Variants in GAS7 observed in about 807,000 individuals in gnomAD.
The protein encoded by GAS7 is growth arrest-specific protein 7.
Under a neutral mutation model 71.1 loss-of-function variants are expected in GAS7, and 28 were observed. That is an observed-to-expected ratio of 0.39 (90% CI 0.29 to 0.54). The LOEUF is 0.54. GAS7 is among the 20% of genes least tolerant of loss of function. The pLI is 0.62. For missense variants in GAS7, 436 were observed against 627.8 expected (o/e 0.69, Z 3.27); for synonymous variants, 258 against 245.8 (o/e 1.05, Z -0.46).
rs1402148346 is a variant in GAS7, at chr17:10,019,909, G to C, written c.184-12C>G. On this transcript the variant is annotated splice_polypyrimidine_tract_variant and intron_variant, in intron 1 of 13. Coordinates refer to ENST00000432992, the MANE Select transcript of GAS7 (RefSeq NM_201433.2). Reference sequence around the variant, plus strand: ...ACCATTCCAGGCTTCTGTTGGAGAAGAAAGAAAAGGTCACACCCATTTGGC... The same window carrying C: ...ACCATTCCAGGCTTCTGTTGGAGAACAAAGAAAAGGTCACACCCATTTGGC... The C allele has an allele frequency of 1.4e-5, 22 of 1,612,026 alleles. No individual in the cohort carries two copies. The highest frequency in any genetic ancestry group is 1.9e-5 in the Non-Finnish European group (22 of 1,179,628).
intron 1 of GAS7, among the ~76,000 whole-genome samples, chr17:10,066,733 G>C (rs2073285217): frequency 6.6e-6 from 1 of 152,176 alleles, no homozygotes. Context: ...AGATGTGACT[G>C]TCATTCTGCA....
chr17:9,945,745 T>G (rs1044915335), intron 6 of GAS7, among the ~76,000 whole-genome samples: 1 of 151,842 alleles, frequency 6.6e-6, no homozygotes, highest in African/African-American at 2.4e-5. Context: ...CCAAGGTGGG[T>G]GGATCACCTG....
At chr17:10,067,250 A>G (rs1406740184) in intron 1 of GAS7, among the ~76,000 whole-genome samples, 2 of 151,688 alleles carry the variant, frequency 1.3e-5, no homozygotes, top group African/African-American at 4.8e-5. Flanking sequence ...CAAGTGTCCC[A>G]CTTCTTTTTT....
intron 9 of GAS7, among the ~76,000 whole-genome samples, chr17:9,929,472 TA>T (rs2068130876): frequency 6.6e-6 from 1 of 152,088 alleles, no homozygotes; most frequent in Non-Finnish European, 1.5e-5. Flanking sequence ...TCAAGTATTT[TA>T]TTTATTTATT....
At chr17:9,930,540 G>A (rs1158489921) in intron 9 of GAS7, among the ~76,000 whole-genome samples, 2 of 152,170 alleles carry the variant, frequency 1.3e-5, no homozygotes, top group Non-Finnish European at 2.9e-5. Flanking sequence ...TCTTCAGCAG[G>A]AGCCAGGTAT....
At chr17:10,180,081 C>T (rs1378728598) in intron 1 of GAS7, among the ~76,000 whole-genome samples, 2 of 152,134 alleles carry the variant, frequency 1.3e-5, no homozygotes, top group Non-Finnish European at 1.5e-5. Flanking sequence ...TGGCTCATGG[C>T]TGTTATCCCA....
At chr17:9,963,584 G>A (rs1245142913) in intron 4 of GAS7, among the ~76,000 whole-genome samples, 1 of 151,978 alleles carries the variant, frequency 6.6e-6, no homozygotes, top group Non-Finnish European at 1.5e-5. Flanking sequence ...AAAGGGATTT[G>A]GGGGCCAGGT....
intron 1 of GAS7, among the ~76,000 whole-genome samples, chr17:10,135,768 G>C (rs1254858484): frequency 6.6e-6 from 1 of 152,126 alleles, no homozygotes; most frequent in Non-Finnish European, 1.5e-5. Context: ...GGGGGGAGGG[G>C]GGTACCCACC....
In GAS7 at chr17:9,969,629, GC is replaced by G. The variant is rs572107635; in HGVS notation, c.471+47del. ...TGGACTTTGTAATGCAGTTTCCTAG[GC>G]CTGCAGAAGCAGTGACCGCTATACC... On this transcript the variant is annotated intron_variant, in intron 4 of 13. Coordinates refer to ENST00000432992, the MANE Select transcript of GAS7 (RefSeq NM_201433.2). The surrounding 1 kb of genome is among the most constrained non-coding windows in gnomAD (Gnocchi z 5.5). 52 of 1,120,176 alleles carry G rather than the reference GC, an allele frequency of 4.6e-5. No homozygotes were observed. The South Asian group carries it at 6.1e-4, about 13-fold the overall frequency. 69.4% of individuals were successfully genotyped at this position (1,120,176 alleles called of 1,614,324 possible). A position where few individuals can be genotyped will look rare whatever the true frequency, so the allele number is the denominator to read the frequency against.
At chr17:10,022,120 GGTGGCATAC>G (rs1379327809) in intron 1 of GAS7, among the ~76,000 whole-genome samples, 4 of 152,136 alleles carry the variant, frequency 2.6e-5, no homozygotes, top group African/African-American at 4.8e-5. Context: ...AGCCGGGTGT[GGTGGCATAC>G]GCCTGTGGTC....
intron 1 of GAS7, among the ~76,000 whole-genome samples, chr17:10,159,949 C>T (rs1389836605): frequency 6.6e-6 from 1 of 151,538 alleles, no homozygotes; most frequent in Non-Finnish European, 1.5e-5. Flanking sequence ...CCACACCTAG[C>T]TAATTTTTTT....
rs1409818812 is a variant in GAS7 at position 9,935,281 on chromosome 17, T to A, written c.807-1037A>T. On this transcript the variant is annotated intron_variant, in intron 8 of 13. Transcript: ENST00000432992. ...AGCTTACTAGAGAAGGGCCAAGTCC[T>A]CTTAGCAGCATCACTTCTCCACTCC... Among the ~76,000 whole-genome samples the A allele has an allele frequency of 2.0e-5, 3 of 152,320 alleles. No individual in the cohort carries two copies. The East Asian group carries it at 5.8e-4, about 29-fold the overall frequency.
intron 10 of GAS7, among the ~76,000 whole-genome samples, chr17:9,925,889 G>C (rs776895265): frequency 1.9e-4 from 29 of 152,224 alleles, no homozygotes; most frequent in Non-Finnish European, 3.2e-4. Context: ...TGGGGACCTA[G>C]GCAGTCCTAA....
In GAS7 at chr17:10,072,731, C is replaced by T. The variant is rs544128856; in HGVS notation, c.184-52834G>A. ...AATGTAAGGTAAAGAACAGACCAGA[C>T]GGCTTGCCAGCACCGTTTCCGAGAC... On this transcript the variant is annotated intron_variant, in intron 1 of 13. Transcript: ENST00000432992. 6.6e-5 allele frequency among the ~76,000 whole-genome samples: 10 copies of T among 152,272 alleles called. 1 individual carries two copies. In the South Asian group the frequency reaches 8.3e-4, roughly 13 times the overall value.
chr17:10,136,911 T>TA (rs1306028214), intron 1 of GAS7, among the ~76,000 whole-genome samples: 1 of 148,926 alleles, frequency 6.7e-6, no homozygotes, highest in African/African-American at 2.5e-5. Flanking sequence ...CACCTGAGTC[T>TA]AGAAGTTCAA....
chr17:10,027,386 A>G (rs2072492312), intron 1 of GAS7, among the ~76,000 whole-genome samples: 2 of 152,206 alleles, frequency 1.3e-5, no homozygotes, highest in Admixed American at 1.3e-4. Flanking sequence ...CCATCTGTGA[A>G]CAAATCCCAG....
intron 3 of GAS7, among the ~76,000 whole-genome samples, chr17:9,980,333 A>C (rs1362019501): frequency 6.6e-6 from 1 of 151,866 alleles, no homozygotes; most frequent in African/African-American, 2.4e-5. Context: ...GGATCTGGCC[A>C]CTCGCTTTGC....
In GAS7 at chr17:9,915,867, T is replaced by C. The variant is rs528351393; in HGVS notation, c.*1361A>G. The stretch of plus-strand genomic sequence containing the variant: ...GACATGGTGGAGAATGTGTTTGCTG[T>C]GGTAGAGAAAGGGAGAAAGTAATGA... On this transcript the variant is annotated 3_prime_UTR_variant, in exon 14 of 14. Coordinates refer to ENST00000432992, the MANE Select transcript of GAS7 (RefSeq NM_201433.2). 2.7e-4 allele frequency: 62 copies of C among 231,664 alleles called. 3 individuals are homozygous for C. Among genetic ancestry groups the C allele is most frequent in the East Asian group, 3.1e-4 (5 of 16,376 alleles). The allele number at this position is 231,664 out of a possible 1,614,324, so 14.4% of individuals were successfully genotyped here. A position where few individuals can be genotyped will look rare whatever the true frequency, so the allele number is the denominator to read the frequency against.
rs890311728 is a variant in GAS7 at position 10,198,581 on chromosome 17, G to A, written c.-191C>T. On this transcript the variant is annotated 5_prime_UTR_variant, in exon 1 of 14. The change creates a new upstream start codon in the 5' untranslated region. Transcript: ENST00000432992. ...GCTCCGCGCCGGGAAGCAGAGACTC[G>A]TTGGCTTCGCAGAGCGAGCGGCGAC... The A allele has an allele frequency of 5.3e-6, 2 of 373,860 alleles. No homozygotes were observed. The highest frequency in any genetic ancestry group is 9.4e-6 in the Non-Finnish European group (2 of 213,126). The allele number at this position is 373,860 out of a possible 1,614,324, so 23.2% of individuals were successfully genotyped here.
Sources: gnomAD v4.1 joint callset for allele counts (sites outside exome capture counted in the v4.1 genomes callset) on GRCh38, gnomAD v4.1.1 for gene constraint, Gnocchi (gnomAD v3.1) non-coding constraint, MANE v1.5 for transcripts, NCBI Gene and HGNC (gene_info 2026-07-23, HGNC 2026-07-21) for gene names.